Variants in SBNO1 observed in about 807,000 individuals in gnomAD.
SBNO1 encodes protein strawberry notch homolog 1.
In SBNO1, 23 loss-of-function variants were observed where a neutral mutation model predicts 173.6. That is an observed-to-expected ratio of 0.13 (90% CI 0.10 to 0.19). SBNO1 has a LOEUF of 0.19. Among genes scored for constraint, SBNO1 ranks in the 10% least tolerant of loss-of-function variants. The pLI is 1.00. For synonymous variants in SBNO1, 632 were observed against 571.5 expected (o/e 1.11, Z -1.51); for missense variants, 1,238 against 1,671.2 (o/e 0.74, Z 4.52).
chr12:123,297,311 C>CA (rs1421389132), intron 31 of SBNO1, among the ~76,000 whole-genome samples: 2 of 103,548 alleles, frequency 1.9e-5, no homozygotes, highest in Non-Finnish European at 3.6e-5. Flanking sequence ...GCCTGGGCGA[C>CA]ACAGTGAGAC....
intron 10 of SBNO1, among the ~76,000 whole-genome samples, chr12:123,328,482 C>G (rs987828820): frequency 2.0e-5 from 3 of 152,138 alleles, no homozygotes; most frequent in Non-Finnish European, 4.4e-5. Context: ...TGTTAATCCT[C>G]AAAAGGGGAA....
chr12:123,311,281 G>C, intron 24 of SBNO1, 152 bp from the exon 25 acceptor site: 2 of 631,578 alleles, frequency 3.2e-6, no homozygotes, highest in African/African-American at 1.8e-5. Flanking sequence ...GGAGAGAACT[G>C]CCCTTGTTCA....
intron 6 of SBNO1, among the ~76,000 whole-genome samples, 179 bp downstream of exon 6, chr12:123,336,216 A>C (rs566616572): frequency 6.6e-6 from 1 of 152,120 alleles, no homozygotes; most frequent in South Asian, 2.1e-4. Context: ...TTTGATTTTT[A>C]TAATCACTAC....
intron 1 of SBNO1, among the ~76,000 whole-genome samples, chr12:123,356,704 A>G (rs916465754): frequency 6.6e-5 from 10 of 152,212 alleles, no homozygotes; most frequent in Admixed American, 1.3e-4. Context: ...TCGGCCTCCC[A>G]CAGTGTTGGG....
Position 123,331,384 on chromosome 12 carries a change from C to T in SBNO1, c.910-9G>A, listed in dbSNP as rs551621956. ...AGGAAAGTTTCATGTTGCTGAAAAACAAAAGGCTGGTAATTAATATAATCC... is the reference window on the plus strand; with the variant it reads ...AGGAAAGTTTCATGTTGCTGAAAAATAAAAGGCTGGTAATTAATATAATCC... On this transcript the variant is annotated splice_polypyrimidine_tract_variant and intron_variant, in intron 7 of 31. Transcript: ENST00000602398. The T allele has an allele frequency of 7.4e-6, 12 of 1,612,724 alleles. No homozygotes were observed. The South Asian group carries it at 1.1e-4, about 15-fold the overall frequency.
chr12:123,356,608 A>AT (rs1218700996), intron 1 of SBNO1, among the ~76,000 whole-genome samples: 1 of 152,068 alleles, frequency 6.6e-6, no homozygotes, highest in Admixed American at 6.6e-5. Flanking sequence ...CACCCAGCTA[A>AT]TTTTTTTGTA....
At position 123,294,934 on chromosome 12, in the gene SBNO1, A is replaced by AC. The variant is rs1231147035; in HGVS notation, c.*973dup. On this transcript the variant is annotated 3_prime_UTR_variant, in exon 32 of 32. Coordinates refer to ENST00000602398, the MANE Select transcript of SBNO1 (RefSeq NM_001167856.3). Reference sequence around the variant, plus strand: ...AGCCTCAAGTGTTTCCTCATTGTCTACAACTCAGGTATGGTTTCCTTTTTA... The same window carrying AC: ...AGCCTCAAGTGTTTCCTCATTGTCTACCAACTCAGGTATGGTTTCCTTTTTA... 10 of 152,232 alleles carry AC rather than the reference A, an allele frequency of 6.6e-5. No homozygotes were observed. The highest frequency in any genetic ancestry group is 1.5e-4 in the Non-Finnish European group (10 of 68,050). 9.4% of individuals were successfully genotyped at this position (152,232 alleles called of 1,614,324 possible).
chr12:123,347,607 C>T lies in SBNO1; in HGVS notation c.237+422G>A, dbSNP rs578112240. ...GTGGCTTGGTCTCTGCTCACTGCAA[C>T]CTCCTCCACTTCCTGGGTTCAAGAG... On this transcript the variant is annotated intron_variant, in intron 3 of 31. Transcript: ENST00000602398. 2.3e-4 allele frequency among the ~76,000 whole-genome samples: 35 copies of T among 152,016 alleles called. 1 individual carries two copies. In the South Asian group the frequency reaches 7.1e-3, roughly 31 times the overall value.
chr12:123,363,928 C>A, intron 1 of SBNO1: 1 of 985,458 alleles, frequency 1.0e-6, no homozygotes, highest in South Asian at 4.7e-5. Flanking sequence ...GTTAAACCGA[C>A]CCCAAACCAC....
chr12:123,364,149 C>A (rs914619187), intron 1 of SBNO1: 1 of 985,562 alleles, frequency 1.0e-6, no homozygotes, highest in Non-Finnish European at 1.2e-6. Context: ...GGCTTCCCCA[C>A]CGCCCCAAGA....
chr12:123,309,024 C>T (rs894574756), intron 28 of SBNO1, among the ~76,000 whole-genome samples: 2 of 152,034 alleles, frequency 1.3e-5, no homozygotes, highest in Non-Finnish European at 2.9e-5. Context: ...GAGCTGAGAT[C>T]GTGCCATTGC....
chr12:123,345,020 T>A (rs1202540535), intron 4 of SBNO1, among the ~76,000 whole-genome samples: 2 of 152,338 alleles, frequency 1.3e-5, no homozygotes, highest in South Asian at 4.1e-4. Context: ...TAAGATTTCA[T>A]GTTGCTAACG....
In SBNO1 at chr12:123,295,135, AG is replaced by A. The variant is rs1390091186; in HGVS notation, c.*772del. 6.6e-6 allele frequency: 1 copy of A among 152,196 alleles called. No individual in the cohort carries two copies. Among genetic ancestry groups the A allele is most frequent in the Non-Finnish European group, 1.5e-5 (1 of 68,034 alleles). The allele number at this position is 152,196 out of a possible 1,614,324, so 9.4% of individuals were successfully genotyped here. ...ATTAATACATTAAAATTAACTTTTA[AG>A]AGTTTTATCACAGAAAAATGTATGT... On this transcript the variant is annotated 3_prime_UTR_variant, in exon 32 of 32. Transcript: ENST00000602398.
intron 24 of SBNO1, among the ~76,000 whole-genome samples, chr12:123,311,722 A>ATATATC (rs1868572894): frequency 1.1e-5 from 1 of 94,542 alleles, no homozygotes; most frequent in East Asian, 3.1e-4. Flanking sequence ...CTATCTATCT[A>ATATATC]TATATATATA....
At position 123,315,451 on chromosome 12, in the gene SBNO1, A is replaced by G; in HGVS notation, c.3049-7T>C. ...CACCATGTGTAAGTGCCCCCTGTTAAAAACAAAAATTTCAATCAAGGCACA... is the reference window on the plus strand; with the variant it reads ...CACCATGTGTAAGTGCCCCCTGTTAGAAACAAAAATTTCAATCAAGGCACA... On this transcript the variant is annotated splice_polypyrimidine_tract_variant and splice_region_variant and intron_variant, in intron 22 of 31. Coordinates refer to ENST00000602398, the MANE Select transcript of SBNO1 (RefSeq NM_001167856.3). The G allele has an allele frequency of 6.2e-7, 1 of 1,612,358 alleles. No homozygotes were observed. The highest frequency in any genetic ancestry group is 8.5e-7 in the Non-Finnish European group (1 of 1,178,492).
intron 16 of SBNO1, 121 bp from the exon 17 acceptor site, chr12:123,321,853 A>G (rs1285280032): frequency 3.7e-6 from 3 of 809,058 alleles, no homozygotes; most frequent in Non-Finnish European, 5.9e-6. Context: ...ATTTAGGTTA[A>G]GTCAAAAAAC....
chr12:123,319,598 G>A (rs538275700), intron 20 of SBNO1, among the ~76,000 whole-genome samples: 16 of 151,944 alleles, frequency 1.1e-4, no homozygotes, highest in South Asian at 2.1e-4. Flanking sequence ...CAGTAGAGAC[G>A]GGGTTTCACC....
intron 2 of SBNO1, 57 bp downstream of exon 2, chr12:123,350,251 TAA>T: frequency 6.4e-7 from 1 of 1,560,906 alleles, no homozygotes; most frequent in African/African-American, 1.4e-5. Context: ...GAGACTATCT[TAA>T]AAAAAAATAC....
rs531776609 is a variant in SBNO1, at chr12:123,348,719, T to C, written c.133-586A>G. Among the ~76,000 whole-genome samples the C allele has an allele frequency of 1.2e-4, 19 of 152,046 alleles. No individual in the cohort carries two copies. The South Asian group carries it at 2.5e-3, about 20-fold the overall frequency. ...AGGCGGAGGTTGCAGTGAGTGGAGA[T>C]TGCACCACTGCACTCTGGACTGGGT... is the stretch of plus-strand genomic sequence containing the variant. On this transcript the variant is annotated intron_variant, in intron 2 of 31. Transcript: ENST00000602398.
Sources: gnomAD v4.1 joint callset for allele counts (sites outside exome capture counted in the v4.1 genomes callset) on GRCh38, gnomAD v4.1.1 for gene constraint, MANE v1.5 for transcripts, NCBI Gene and HGNC (gene_info 2026-07-23, HGNC 2026-07-21) for gene names.